The following RALGPS2 variants were observed in gnomAD, a reference collection of about 807,000 sequenced individuals.
RALGPS2 encodes the protein Ral GEF with PH domain and SH3 binding motif 2.
RALGPS2 carries 43 observed loss-of-function variants against 86.8 expected under a neutral mutation model. The ratio of observed to expected loss-of-function variants is 0.50; its 90% CI spans 0.39 to 0.64. RALGPS2 has a LOEUF of 0.64. RALGPS2 is among the 30% of genes least tolerant of loss of function. RALGPS2 has a pLI of 0.00. For synonymous variants in RALGPS2, 243 were observed against 231.3 expected, an observed-to-expected ratio of 1.05 and a Z score of -0.46; for missense variants, 536 against 694.6, an observed-to-expected ratio of 0.77 and a Z score of 2.57.
intron 8 of RALGPS2, 126 bp from the exon 9 acceptor site, chr1:178,877,372 T>A: frequency 7.3e-7 from 1 of 1,378,238 alleles, no homozygotes; most frequent in Non-Finnish European, 9.7e-7. Context: ...AGTGTATTAA[T>A]AGCAATATAT....
chr1:178,807,612 T>C (rs1362518699), intron 4 of RALGPS2, among the ~76,000 whole-genome samples: 1 of 152,206 alleles, frequency 6.6e-6, no homozygotes, highest in African/African-American at 2.4e-5. Flanking sequence ...TTTTTGGGGA[T>C]CATGATCCCT....
intron 18 of RALGPS2, among the ~76,000 whole-genome samples, chr1:178,903,042 G>C (rs537092655): frequency 4.1e-4 from 62 of 152,130 alleles, no homozygotes; most frequent in African/African-American, 1.5e-3. Context: ...ATACCTCAAG[G>C]CTCATCAGAA....
intron 8 of RALGPS2, among the ~76,000 whole-genome samples, chr1:178,857,386 G>A (rs943770618): frequency 1.3e-5 from 2 of 152,236 alleles, no homozygotes; most frequent in South Asian, 4.1e-4. Flanking sequence ...TCTACTACAG[G>A]CTAAGGACTG....
In RALGPS2 at chr1:178,826,377, A is replaced by G. The variant is rs115279707; in HGVS notation, c.480+4673A>G. On this transcript the variant is annotated intron_variant, in intron 7 of 19. Coordinates refer to ENST00000367635, the MANE Select transcript of RALGPS2 (RefSeq NM_152663.5). ...GAATATTCATCTCTCTTTAAAAGCA[A>G]TGAAATCTTGATACATGCTGCACCA... Among the ~76,000 whole-genome samples, 458 of 152,334 alleles carry G rather than the reference A, an allele frequency of 3.0e-3. 1 individual carries two copies. Among genetic ancestry groups the G allele is most frequent in the African/African-American group, 0.011 (450 of 41,576 alleles).
intron 19 of RALGPS2, among the ~76,000 whole-genome samples, chr1:178,910,297 T>C (rs1415783962): frequency 2.0e-5 from 3 of 152,298 alleles, no homozygotes; most frequent in Non-Finnish European, 4.4e-5. Context: ...GTAAGTATTA[T>C]GTTGAATAGG....
At chr1:178,775,812 T>C (rs1653052578) in intron 1 of RALGPS2, among the ~76,000 whole-genome samples, 1 of 151,960 alleles carries the variant, frequency 6.6e-6, no homozygotes, top group South Asian at 2.1e-4. Context: ...TAATAAACTT[T>C]AAAGTCCTAT....
Position 178,889,642 on chromosome 1 carries a change from G to A in RALGPS2, c.1193G>A (p.Gly398Asp), listed in dbSNP as rs768273199. The change falls in exon 14 of 20, where the codon GGT (glycine) becomes GAT (aspartate). Residue 398 changes from glycine (G) to aspartate (D), a missense_variant and splice_region_variant. Around this residue, in one of 3 missense-constraint regions of RALGPS2, gnomAD observed 309 missense variants for 363.0 expected, o/e 0.85. Coordinates refer to ENST00000367635, the MANE Select transcript of RALGPS2 (RefSeq NM_152663.5). Reference sequence around the variant, plus strand: ...AAAATAGGATAACTTTTCATTTTAGGTAGCAGCGATGGTTCTGAACTAAGT... The same window carrying A: ...AAAATAGGATAACTTTTCATTTTAGATAGCAGCGATGGTTCTGAACTAAGT... ...SSTLSSGISIGSSDGSELSEE... is the reference protein window; with the variant it reads ...SSTLSSGISIDSSDGSELSEE... 3.8e-6 allele frequency: 6 copies of A among 1,599,712 alleles called. No homozygotes were observed. In the East Asian group the frequency reaches 1.3e-4, roughly 36 times the overall value.
intron 6 of RALGPS2, among the ~76,000 whole-genome samples, chr1:178,814,401 A>G (rs917542181): frequency 5.3e-5 from 8 of 152,082 alleles, no homozygotes; most frequent in Non-Finnish European, 8.8e-5. Flanking sequence ...AGAAATACAG[A>G]GTTCGTACTA....
At chr1:178,726,605 A>G (rs1291197795) in intron 1 of RALGPS2, among the ~76,000 whole-genome samples, 2 of 152,022 alleles carry the variant, frequency 1.3e-5, no homozygotes, top group East Asian at 1.9e-4. Flanking sequence ...CATAAAGTGG[A>G]ATCACACAAG....
chr1:178,748,984 T>C (rs1230649299), intron 1 of RALGPS2, among the ~76,000 whole-genome samples: 1 of 152,026 alleles, frequency 6.6e-6, no homozygotes, highest in African/African-American at 2.4e-5. Context: ...TATATAAAGG[T>C]TTTTTTGTTT....
chr1:178,747,388 A>G lies in RALGPS2; in HGVS notation c.-84+21969A>G. On this transcript the variant is annotated intron_variant, in intron 1 of 19. Coordinates refer to ENST00000367635, the MANE Select transcript of RALGPS2 (RefSeq NM_152663.5). ...CTAATTGTGGTAGATGTACTGTATA[A>G]TACGACTTCACATCTTCTGACAAGA... The G allele has an allele frequency of 9.1e-6, 14 of 1,533,316 alleles. No homozygotes were observed. The South Asian group carries it at 1.6e-4, about 17-fold the overall frequency. The allele number at this position is 1,533,316 out of a possible 1,614,324, so 95.0% of individuals were successfully genotyped here. A position where few individuals can be genotyped will look rare whatever the true frequency, so the allele number is the denominator to read the frequency against.
chr1:178,847,860 A>G (rs887447444), intron 8 of RALGPS2, among the ~76,000 whole-genome samples: 3 of 152,206 alleles, frequency 2.0e-5, no homozygotes, highest in Admixed American at 2.0e-4. Flanking sequence ...GTGTATTTGT[A>G]GGTGTCTACT....
chr1:178,751,888 C>A (rs1651700657), intron 1 of RALGPS2, among the ~76,000 whole-genome samples: 1 of 152,064 alleles, frequency 6.6e-6, no homozygotes, highest in African/African-American at 2.4e-5. Context: ...TTTAAAAGAC[C>A]AGAGGGATCT....
chr1:178,864,583 A>G (rs1658254204), intron 8 of RALGPS2, among the ~76,000 whole-genome samples: 1 of 152,162 alleles, frequency 6.6e-6, no homozygotes, highest in Admixed American at 6.5e-5. Context: ...GGAAGTAAAT[A>G]AAAGAATTGT....
intron 10 of RALGPS2, chr1:178,879,894 A>G (rs189531030): frequency 6.6e-6 from 1 of 152,020 alleles, no homozygotes; most frequent in African/African-American, 2.4e-5. Flanking sequence ...GGGAGAGGAA[A>G]TTTTTAAATT....
chr1:178,742,229 A>G (rs1444791111), intron 1 of RALGPS2, among the ~76,000 whole-genome samples: 3 of 152,120 alleles, frequency 2.0e-5, no homozygotes, highest in Non-Finnish European at 4.4e-5. Context: ...AACCTACTTT[A>G]AATATTAAGA....
chr1:178,834,446 A>G (rs1489825626), intron 8 of RALGPS2, among the ~76,000 whole-genome samples: 1 of 152,236 alleles, frequency 6.6e-6, no homozygotes, highest in Non-Finnish European at 1.5e-5. Flanking sequence ...AAGAAGGGAC[A>G]AAGGCAGTTG....
rs536642151 is a variant in RALGPS2, at chr1:178,840,357, T to C, written c.607+6807T>C. Among the ~76,000 whole-genome samples the C allele has an allele frequency of 6.0e-3, 909 of 152,100 alleles. 14 individuals carry two copies. The highest frequency in any genetic ancestry group is 0.021 in the African/African-American group (880 of 41,482). ...TCAGGATTAAGAAACTCACTCAAAATCGCTCAACTACATGGAAACTGAACA... is the reference window on the plus strand; with the variant it reads ...TCAGGATTAAGAAACTCACTCAAAACCGCTCAACTACATGGAAACTGAACA... On this transcript the variant is annotated intron_variant, in intron 8 of 19. Coordinates refer to ENST00000367635, the MANE Select transcript of RALGPS2 (RefSeq NM_152663.5).
intron 1 of RALGPS2, chr1:178,747,200 C>G: frequency 3.2e-6 from 4 of 1,241,702 alleles, no homozygotes; most frequent in South Asian, 1.2e-5. Context: ...GCCTGCACTA[C>G]GGTGGATCAC....
Sources: allele counts gnomAD v4.1 joint callset (sites outside exome capture counted in the v4.1 genomes callset), GRCh38; gene constraint gnomAD v4.1.1; regional missense constraint gnomAD v4.1.1; transcripts MANE v1.5; gene names NCBI Gene and HGNC (gene_info 2026-07-23, HGNC 2026-07-21).